Variants in DOK7 observed in about 807,000 individuals in gnomAD.
The protein encoded by DOK7 is protein Dok-7.
A neutral mutation model predicts 30.7 loss-of-function variants in DOK7; 32 were observed. The ratio of observed to expected loss-of-function variants is 1.04; its 90% confidence interval spans 0.79 to 1.40. The LOEUF is 1.40. Among genes scored for constraint, DOK7 ranks in the 40% most tolerant of loss-of-function variants. The pLI is 0.00. For missense variants in DOK7, 1,007 were observed against 699.2 expected (o/e 1.44, Z -4.97); for synonymous variants, 447 against 324.1 (o/e 1.38, Z -4.07).
chr4:3,496,665 G>A (rs370803693), downstream of DOK7, among the ~76,000 whole-genome samples: 377 of 152,102 alleles, frequency 2.5e-3, 1 homozygote, highest in African/African-American at 8.4e-3. Flanking sequence ...TGGAGAGAAG[G>A]CATCAGGTAT....
chr4:3,485,204 CT>C (rs1727688460), intron 4 of DOK7: 1 of 257,928 alleles, frequency 3.9e-6, no homozygotes, highest in African/African-American at 2.2e-5. Context: ...AGGGCACCCC[CT>C]CCCTCCTCCC....
Position 3,500,300 on chromosome 4 carries a change from C to T in DOK7, c.1158C>T (p.Arg386=), listed in dbSNP as rs564997906. The change falls in exon 7 of 8, where the codon CGC becomes CGT. Residue 386 remains arginine (R), a synonymous_variant. Coordinates refer to the DOK7 transcript ENST00000643608. ...ACAGCCCAGGACCAGAGAGGCCGCG[C>T]GGCGAGTCGCCCACTTACGTGAACA... 3.1e-4 allele frequency: 481 copies of T among 1,535,942 alleles called. No individual in the cohort carries two copies. Among genetic ancestry groups the T allele is most frequent in the African/African-American group, 6.2e-4 (45 of 73,128 alleles).
rs760069662 is a variant in DOK7, at chr4:3,493,790, G to A, written c.*289G>A. On this transcript the variant is annotated 3_prime_UTR_variant, in exon 7 of 7. Transcript: ENST00000340083. ...CGTGTCCCCCACCCCTGAGGATCAGGTGAGTGCTGCACCTCTGTTGGCTCG... is the reference window on the plus strand; with the variant it reads ...CGTGTCCCCCACCCCTGAGGATCAGATGAGTGCTGCACCTCTGTTGGCTCG... 1.5e-6 allele frequency: 2 copies of A among 1,363,088 alleles called. No individual in the cohort carries two copies. The highest frequency in any genetic ancestry group is 1.9e-6 in the Non-Finnish European group (2 of 1,058,796). The allele number at this position is 1,363,088 out of a possible 1,614,324, so 84.4% of individuals were successfully genotyped here. A position where few individuals can be genotyped will look rare whatever the true frequency, so the allele number is the denominator to read the frequency against.
In DOK7 at chr4:3,500,772, G is replaced by GC; in HGVS notation, c.1345dup (p.Arg449ProfsTer87). 1.3e-6 allele frequency: 2 copies of GC among 1,534,730 alleles called. No homozygotes were observed. The highest frequency in any genetic ancestry group is 1.7e-6 in the Non-Finnish European group (2 of 1,146,656). On this transcript the variant is annotated frameshift_variant, in exon 8 of 8. Transcript: ENST00000643608. LOFTEE classifies it high-confidence loss of function. ...CAGAGTGGGGGTGCGGCACGCACGGGCCCGGGAGGAGCAGCTGTCGGAGCT... is the reference window on the plus strand; with the variant it reads ...CAGAGTGGGGGTGCGGCACGCACGGGCCCCGGGAGGAGCAGCTGTCGGAGCT...
rs777293497 is a variant in DOK7 at position 3,492,974 on chromosome 4, G to A, written c.988G>A (p.Val330Ile). The change falls in exon 7 of 7, where the codon GTT becomes ATT. Residue 330 changes from valine to isoleucine, a missense_variant. By Grantham distance (29) the Val-to-Ile change is conservative. Transcript: ENST00000340083. ...GCTGCGTCCGCGGCAGCTGCAGGAG[G>A]TTGGCCGCCAGAGCTCCTCGGACAG... The part of the protein sequence containing the change: ...KPLRPRQLQE[V>I]GRQSSSDSGI... The A allele has an allele frequency of 6.4e-7, 1 of 1,553,838 alleles. No homozygotes were observed. The highest frequency in any genetic ancestry group is 8.7e-7 in the Non-Finnish European group (1 of 1,152,930).
rs1560236406 is a variant in DOK7 at position 3,494,229 on chromosome 4, G to A, written c.*728G>A. 1.0e-6 allele frequency: 1 copy of A among 985,546 alleles called. No individual in the cohort carries two copies. Among genetic ancestry groups the A allele is most frequent in the East Asian group, 1.1e-4 (1 of 8,806 alleles). The allele number at this position is 985,546 out of a possible 1,614,324, so 61.1% of individuals were successfully genotyped here. On this transcript the variant is annotated 3_prime_UTR_variant, in exon 7 of 7. Transcript: ENST00000340083. ...GTGGGAGCTCTGCTGGCTCCTGTCT[G>A]AACCTCCTCGCAGGGCCAAAGGCTG... is the stretch of plus-strand genomic sequence containing the variant.
chr4:3,492,645 A>C, intron 6 of DOK7, 114 bp from the exon 7 acceptor site: 1 of 1,457,666 alleles, frequency 6.9e-7, no homozygotes, highest in Non-Finnish European at 9.3e-7. Flanking sequence ...GGGGGCTGGA[A>C]GGGGTGGGGC....
chr4:3,468,946 CGT>C (rs375791201), intron 2 of DOK7, among the ~76,000 whole-genome samples: 6,829 of 133,820 alleles, frequency 0.051, 494 homozygotes, highest in African/African-American at 0.18. Flanking sequence ...CTTTTGTGCA[CGT>C]GTGAGTGTGG....
At chr4:3,491,404 C>T (rs1399636141) in intron 6 of DOK7, among the ~76,000 whole-genome samples, 9 of 53,462 alleles carry the variant, frequency 1.7e-4, no homozygotes, top group Non-Finnish European at 3.7e-4. Flanking sequence ...CTGCTCACCC[C>T]AGCTTCCTTC....
At chr4:3,466,879 C>A (rs1417836745) in intron 2 of DOK7, among the ~76,000 whole-genome samples, 1 of 152,216 alleles carries the variant, frequency 6.6e-6, no homozygotes, top group Non-Finnish European at 1.5e-5. Context: ...CGGGCAGGGG[C>A]ACCCTCACGC....
Position 3,493,664 on chromosome 4 carries a change from C to CCTGT in DOK7, c.*163_*164insCTGT, listed in dbSNP as rs1210177426. The CCTGT allele has an allele frequency of 2.1e-6, 3 of 1,453,308 alleles. No homozygotes were observed. The African/African-American group carries it at 4.3e-5, about 21-fold the overall frequency. 90.0% of individuals were successfully genotyped at this position (1,453,308 alleles called of 1,614,324 possible). On this transcript the variant is annotated 3_prime_UTR_variant, in exon 7 of 7. Coordinates refer to ENST00000340083, the MANE Select transcript of DOK7 (RefSeq NM_173660.5). ...GGAGGGCGCGCCCTGTGGCTGCCAC[C>CCTGT]GGAGGAAGGGGCTGACTTGGGGAGG...
intron 2 of DOK7, among the ~76,000 whole-genome samples, chr4:3,472,096 G>A (rs1401875768): frequency 6.6e-6 from 1 of 152,248 alleles, no homozygotes; most frequent in Non-Finnish European, 1.5e-5. Context: ...CCCTTGCAGA[G>A]GAAGCTTGCT....
At chr4:3,490,278 CCTTGCT>C (rs1728185177) in intron 6 of DOK7, among the ~76,000 whole-genome samples, 2 of 114,352 alleles carry the variant, frequency 1.7e-5, no homozygotes, top group Admixed American at 9.3e-5. Flanking sequence ...TCCTTCCCCA[CCTTGCT>C]CATTCATTTC....
chr4:3,487,032 G>C (rs1177072036), intron 5 of DOK7, among the ~76,000 whole-genome samples: 1 of 152,130 alleles, frequency 6.6e-6, no homozygotes, highest in African/African-American at 2.4e-5. Context: ...CAGCACGTGG[G>C]CCAGCCCCAG....
intron 4 of DOK7, among the ~76,000 whole-genome samples, chr4:3,479,061 C>T (rs1265759650): frequency 6.6e-6 from 1 of 152,164 alleles, no homozygotes; most frequent in African/African-American, 2.4e-5. Context: ...GAACGGGTTC[C>T]TTCTGCAGCC....
chr4:3,468,700 G>C (rs917684652), intron 2 of DOK7, among the ~76,000 whole-genome samples: 20 of 139,064 alleles, frequency 1.4e-4, no homozygotes, highest in African/African-American at 5.7e-4. Flanking sequence ...ATGTATGTCT[G>C]TGTATGTGTG....
At chr4:3,468,994 G>A (rs1394054820) in intron 2 of DOK7, among the ~76,000 whole-genome samples, 1 of 150,374 alleles carries the variant, frequency 6.7e-6, no homozygotes, top group Non-Finnish European at 1.5e-5. Flanking sequence ...GTGTATGCAT[G>A]TGTGAGTGTG....
At chr4:3,468,317 C>A (rs904993133) in intron 2 of DOK7, among the ~76,000 whole-genome samples, 2 of 138,026 alleles carry the variant, frequency 1.4e-5, no homozygotes, top group Non-Finnish European at 3.1e-5. Flanking sequence ...CGTGTGAATA[C>A]CTGTGTGTGC....
chr4:3,498,570 G>A (rs144522934), downstream of DOK7, among the ~76,000 whole-genome samples: 430 of 152,234 alleles, frequency 2.8e-3, 3 homozygotes, highest in African/African-American at 9.8e-3. Context: ...CTTTCCAGAC[G>A]CCAGGCCCCG....
Sources: gnomAD v4.1 joint callset for allele counts (sites outside exome capture counted in the v4.1 genomes callset) on GRCh38, gnomAD v4.1.1 for gene constraint, MANE v1.5 for transcripts, NCBI Gene and HGNC (gene_info 2026-07-23, HGNC 2026-07-21) for gene names.